The following CRPPA variants were observed in gnomAD, a reference collection of about 807,000 sequenced individuals.
The protein encoded by CRPPA is CDP-L-ribitol pyrophosphorylase A, also known as D-ribitol-5-phosphate cytidylyltransferase.
CRPPA carries 43 observed loss-of-function variants against 52.0 expected under a neutral mutation model. The observed-to-expected ratio is 0.83, with a 90% confidence interval of 0.65 to 1.07. CRPPA has a LOEUF of 1.07. Ranked by LOEUF, CRPPA falls within the 50% of genes least tolerant of loss-of-function variation. CRPPA has a pLI of 0.00. For synonymous variants in CRPPA, 250 were observed against 203.5 expected (o/e 1.23, Z -1.94); for missense variants, 629 against 551.7 (o/e 1.14, Z -1.40).
At chr7:16,305,403 G>C (rs144048531) in intron 4 of CRPPA, among the ~76,000 whole-genome samples, 397 of 152,308 alleles carry the variant, frequency 2.6e-3, no homozygotes, top group Non-Finnish European at 4.1e-3. Flanking sequence ...AGCTCCCTTT[G>C]AAGCATGGCA....
intron 3 of CRPPA, among the ~76,000 whole-genome samples, chr7:16,335,212 G>T (rs1785651435): frequency 6.7e-6 from 1 of 149,224 alleles, no homozygotes; most frequent in South Asian, 2.2e-4. Flanking sequence ...GTCAGGTGTA[G>T]TGGTATGCAC....
intron 9 of CRPPA, among the ~76,000 whole-genome samples, chr7:16,199,993 G>A (rs191940388): frequency 2.6e-5 from 4 of 151,928 alleles, no homozygotes; most frequent in South Asian, 4.2e-4. Context: ...GAGTAGCTGG[G>A]ATTAGAGACA....
chr7:16,386,013 T>C lies in CRPPA; in HGVS notation c.535-9772A>G, dbSNP rs114255948. On this transcript the variant is annotated intron_variant, in intron 2 of 9. Coordinates refer to ENST00000407010, the MANE Select transcript of CRPPA (RefSeq NM_001101426.4). ...CTCTGCCGTCCACAGACAGCTTAAATGTTAACCAGCTCAGTGCCCTCTTGG... is the reference window on the plus strand; with the variant it reads ...CTCTGCCGTCCACAGACAGCTTAAACGTTAACCAGCTCAGTGCCCTCTTGG... 3.9e-3 allele frequency among the ~76,000 whole-genome samples: 594 copies of C among 152,340 alleles called. 8 individuals are homozygous for C. The highest frequency in any genetic ancestry group is 0.014 in the African/African-American group (563 of 41,580).
rs183102424 is a variant in CRPPA, at chr7:16,414,585, T to C, written c.257+6481A>G. On this transcript the variant is annotated intron_variant, in intron 1 of 9. Coordinates refer to ENST00000407010, the MANE Select transcript of CRPPA (RefSeq NM_001101426.4). ...CTTTATGCCCCTGCCAATAACACCA[T>C]TGTCATCTGATTTCTTGGAGCAACA... is the stretch of plus-strand genomic sequence containing the variant. Among the ~76,000 whole-genome samples, 21 of 152,328 alleles carry C rather than the reference T, an allele frequency of 1.4e-4. No individual in the cohort carries two copies. The East Asian group carries it at 2.3e-3, about 17-fold the overall frequency.
intron 3 of CRPPA, among the ~76,000 whole-genome samples, chr7:16,371,052 G>A (rs370689942): frequency 2.4e-4 from 37 of 152,230 alleles, no homozygotes; most frequent in African/African-American, 6.5e-4. Context: ...GAGGTAGATC[G>A]CTTTCCTGCT....
At chr7:16,277,833 C>T (rs1445185067) in intron 6 of CRPPA, among the ~76,000 whole-genome samples, 10 of 152,104 alleles carry the variant, frequency 6.6e-5, no homozygotes. Flanking sequence ...ATGTGCTGGC[C>T]ACTATGCCTC....
intron 1 of CRPPA, among the ~76,000 whole-genome samples, chr7:16,413,810 T>C (rs1788126020): frequency 6.6e-6 from 1 of 152,198 alleles, no homozygotes; most frequent in Non-Finnish European, 1.5e-5. Flanking sequence ...CTTTCATTGA[T>C]TTCCAAGCCC....
chr7:16,249,725 G>T (rs1411100674), intron 8 of CRPPA, among the ~76,000 whole-genome samples: 2 of 152,172 alleles, frequency 1.3e-5, no homozygotes, highest in African/African-American at 4.8e-5. Flanking sequence ...CCATCCGGAG[G>T]TCACCAACAT....
chr7:16,246,182 C>T (rs1477620190), intron 8 of CRPPA, among the ~76,000 whole-genome samples: 1 of 152,124 alleles, frequency 6.6e-6, no homozygotes, highest in Non-Finnish European at 1.5e-5. Context: ...ATTGTAAATC[C>T]TTTATTGTCA....
intron 3 of CRPPA, among the ~76,000 whole-genome samples, chr7:16,334,265 T>A (rs76924728): frequency 3.7e-3 from 571 of 152,288 alleles, no homozygotes; most frequent in African/African-American, 0.012. Flanking sequence ...TCAGCGATTA[T>A]GTGCACAGGG....
intron 8 of CRPPA, among the ~76,000 whole-genome samples, chr7:16,232,491 G>C (rs532224860): frequency 1.3e-5 from 2 of 152,238 alleles, no homozygotes; most frequent in East Asian, 3.9e-4. Context: ...TCAGTAGCAT[G>C]CTCTTGGACT....
At chr7:16,339,576 T>G (rs1396056759) in intron 3 of CRPPA, among the ~76,000 whole-genome samples, 1 of 152,232 alleles carries the variant, frequency 6.6e-6, no homozygotes, top group African/African-American at 2.4e-5. Flanking sequence ...GGAGGAAATC[T>G]ACAGCTATCA....
At chr7:16,330,293 A>C (rs1167552094) in intron 3 of CRPPA, among the ~76,000 whole-genome samples, 1 of 152,236 alleles carries the variant, frequency 6.6e-6, no homozygotes, top group Non-Finnish European at 1.5e-5. Flanking sequence ...ATTCTCCAGA[A>C]GAATATTTAA....
At position 16,089,548 on chromosome 7, in the gene CRPPA, T is replaced by A. The variant is rs1169794532; in HGVS notation, c.*2147A>T. On this transcript the variant is annotated 3_prime_UTR_variant, in exon 10 of 10. Transcript: ENST00000407010. ...ATGTACGTACATACATATATATGTATATACATGTAAGTATATACATATATA... is the reference window on the plus strand; with the variant it reads ...ATGTACGTACATACATATATATGTAAATACATGTAAGTATATACATATATA... The A allele has an allele frequency of 4.1e-6, 1 of 246,712 alleles. No individual in the cohort carries two copies. The highest frequency in any genetic ancestry group is 4.1e-5 in the South Asian group (1 of 24,244). 15.3% of individuals were successfully genotyped at this position (246,712 alleles called of 1,614,324 possible).
chr7:16,380,453 T>A (rs1019788288), intron 2 of CRPPA, among the ~76,000 whole-genome samples: 1 of 152,160 alleles, frequency 6.6e-6, no homozygotes, highest in Admixed American at 6.5e-5. Flanking sequence ...AAAATTCTCT[T>A]TTTTAGTTGT....
At chr7:16,326,513 T>G (rs1465712848) in intron 3 of CRPPA, among the ~76,000 whole-genome samples, 1 of 152,232 alleles carries the variant, frequency 6.6e-6, no homozygotes. Context: ...AAGTTCATTA[T>G]GAGCTAAAAT....
intron 9 of CRPPA, among the ~76,000 whole-genome samples, chr7:16,180,435 TTA>T (rs1474310591): frequency 1.3e-5 from 2 of 152,034 alleles, no homozygotes; most frequent in African/African-American, 4.8e-5. Context: ...AACAAATATA[TTA>T]TATGAGTGTA....
chr7:16,223,151 G>C (rs765899809), intron 8 of CRPPA, among the ~76,000 whole-genome samples: 3 of 152,112 alleles, frequency 2.0e-5, no homozygotes, highest in African/African-American at 4.8e-5. Context: ...AGTTAGCCAG[G>C]CATGGTGGCA....
intron 3 of CRPPA, among the ~76,000 whole-genome samples, chr7:16,368,817 ATCTTTGCC>A (rs1786675395): frequency 6.6e-6 from 1 of 152,152 alleles, no homozygotes; most frequent in Admixed American, 6.5e-5. Context: ...TTACACACGG[ATCTTTGCC>A]CATACTTCCA....
Sources: allele counts gnomAD v4.1 joint callset (sites outside exome capture counted in the v4.1 genomes callset), GRCh38; gene constraint gnomAD v4.1.1; transcripts MANE v1.5; gene names NCBI Gene and HGNC (gene_info 2026-07-23, HGNC 2026-07-21).